The following EYA1 variants were observed in gnomAD, a reference collection of about 807,000 sequenced individuals.
The protein encoded by EYA1 is protein phosphatase EYA1.
In EYA1, 16 loss-of-function variants were observed where a neutral mutation model predicts 82.0. The observed-to-expected ratio is 0.20, with a 90% CI of 0.13 to 0.30. EYA1 has a LOEUF of 0.30. Ranked by LOEUF, EYA1 falls within the 10% of genes least tolerant of loss-of-function variation. EYA1 has a pLI of 1.00. For synonymous variants in EYA1, 261 were observed against 264.4 expected (o/e 0.99, Z 0.12); for missense variants, 633 against 730.7 (o/e 0.87, Z 1.54).
chr8:71,261,336 C>A (rs2128931870), intron 11 of EYA1, among the ~76,000 whole-genome samples: 1 of 152,168 alleles, frequency 6.6e-6, no homozygotes, highest in East Asian at 1.9e-4. Context: ...CACTGGGCTA[C>A]TTAGATATGA....
intron 4 of EYA1, among the ~76,000 whole-genome samples, chr8:71,326,619 G>C (rs551988762): frequency 6.6e-6 from 1 of 152,182 alleles, no homozygotes; most frequent in Non-Finnish European, 1.5e-5. Context: ...ACTAAGGCAG[G>C]CCTGTTCCTG....
intron 7 of EYA1, among the ~76,000 whole-genome samples, chr8:71,302,088 C>CT (rs1820261050): frequency 6.6e-6 from 1 of 151,794 alleles, no homozygotes; most frequent in Non-Finnish European, 1.5e-5. Context: ...GATATCAATG[C>CT]TTTTTTAAAA....
chr8:71,264,743 T>A (rs1345157048), intron 11 of EYA1, among the ~76,000 whole-genome samples: 1 of 151,988 alleles, frequency 6.6e-6, no homozygotes, highest in Non-Finnish European at 1.5e-5. Flanking sequence ...CACACCCAGC[T>A]AATTTTTGTA....
At chr8:71,455,896 G>T (rs1012825685) in intron 2 of EYA1, among the ~76,000 whole-genome samples, 2 of 152,152 alleles carry the variant, frequency 1.3e-5, no homozygotes, top group African/African-American at 4.8e-5. Flanking sequence ...AGTGTTGGAA[G>T]TTCTGCCCAG....
intron 2 of EYA1, among the ~76,000 whole-genome samples, chr8:71,527,896 T>G (rs994894219): frequency 6.6e-6 from 1 of 152,172 alleles, no homozygotes; most frequent in African/African-American, 2.4e-5. Context: ...TTAATTGTAT[T>G]ATTGCTATAC....
intron 2 of EYA1, among the ~76,000 whole-genome samples, chr8:71,515,321 T>C (rs1202997041): frequency 2.0e-5 from 3 of 152,098 alleles, no homozygotes; most frequent in African/African-American, 7.2e-5. Context: ...ATCTCAAAAT[T>C]ATGCTCTAGT....
At chr8:71,219,893 A>G (rs1036139537) in intron 12 of EYA1, among the ~76,000 whole-genome samples, 1 of 152,152 alleles carries the variant, frequency 6.6e-6, no homozygotes, top group Non-Finnish European at 1.5e-5. Context: ...TTGTCTTCCT[A>G]AGAGCCAAAT....
chr8:71,460,461 T>G (rs867915157), intron 2 of EYA1, among the ~76,000 whole-genome samples: 5 of 152,240 alleles, frequency 3.3e-5, no homozygotes, highest in Middle Eastern at 3.4e-3. Context: ...AAGGCAAGCT[T>G]CTTACAAGGG....
intron 2 of EYA1, among the ~76,000 whole-genome samples, chr8:71,396,523 T>G (rs1484255205): frequency 6.6e-6 from 1 of 152,230 alleles, no homozygotes; most frequent in African/African-American, 2.4e-5. Context: ...AAGAACATCT[T>G]TATTTCTGCC....
At chr8:71,430,143 G>A (rs1027004118) in intron 2 of EYA1, among the ~76,000 whole-genome samples, 1 of 152,040 alleles carries the variant, frequency 6.6e-6, no homozygotes, top group African/African-American at 2.4e-5. Context: ...TAATTCACAG[G>A]TTTCATCTTC....
At chr8:71,499,165 T>C (rs1240302284) in intron 2 of EYA1, among the ~76,000 whole-genome samples, 2 of 152,090 alleles carry the variant, frequency 1.3e-5, no homozygotes, top group African/African-American at 4.8e-5. Context: ...GTACACTTGG[T>C]CAAACTCAGC....
rs115981419 is a variant in EYA1, at chr8:71,395,804, A to T, written c.34-39293T>A. On this transcript the variant is annotated intron_variant, in intron 2 of 18. Transcript: ENST00000643681. ...TTGGTATCAGGATGATGTTGGCTTC[A>T]TAAAAAGAATTAGGGAGTATTCCCT... Among the ~76,000 whole-genome samples the T allele has an allele frequency of 5.6e-3, 858 of 152,334 alleles. 7 individuals are homozygous for T. The highest frequency in any genetic ancestry group is 0.019 in the African/African-American group (789 of 41,564).
At chr8:71,256,974 G>C (rs1814508728) in intron 11 of EYA1, among the ~76,000 whole-genome samples, 1 of 151,606 alleles carries the variant, frequency 6.6e-6, no homozygotes, top group South Asian at 2.1e-4. Context: ...ACTCCAGCCT[G>C]GGCAACAAGA....
chr8:71,233,503 G>A (rs1403095685), intron 12 of EYA1, among the ~76,000 whole-genome samples: 1 of 150,426 alleles, frequency 6.6e-6, no homozygotes, highest in Non-Finnish European at 1.5e-5. Flanking sequence ...GGCAGAGCTT[G>A]CAGTGAGCCG....
At chr8:71,317,508 T>A (rs1158489040) in intron 7 of EYA1, 44 bp downstream of exon 7, 1 of 1,604,150 alleles carries the variant, frequency 6.2e-7, no homozygotes, top group South Asian at 1.1e-5. Context: ...AAGTTAACTA[T>A]CAACCTACAG....
At chr8:71,473,314 G>A (rs1809375284) in intron 2 of EYA1, among the ~76,000 whole-genome samples, 1 of 147,468 alleles carries the variant, frequency 6.8e-6, no homozygotes, top group East Asian at 2.0e-4. Flanking sequence ...CTGACAAAGG[G>A]CTAATATCCA....
intron 4 of EYA1, chr8:71,323,998 G>A (rs1822875718): frequency 6.6e-6 from 1 of 152,132 alleles, no homozygotes; most frequent in Non-Finnish European, 1.5e-5. Flanking sequence ...TGGGACAATT[G>A]GAGTTCAAAA....
Position 71,500,829 on chromosome 8 carries a change from G to C in EYA1, c.33+34915C>G, listed in dbSNP as rs1395166270. 2.0e-5 allele frequency among the ~76,000 whole-genome samples: 3 copies of C among 152,066 alleles called. No homozygotes were observed. In the South Asian group the frequency reaches 6.2e-4, roughly 32 times the overall value. Reference sequence around the variant, plus strand: ...TGACTTTATTTCTACTGGTATAAAAGGTAAAAGACCTTTAAAAGCAACATA... The same window carrying C: ...TGACTTTATTTCTACTGGTATAAAACGTAAAAGACCTTTAAAAGCAACATA... On this transcript the variant is annotated intron_variant, in intron 2 of 18. Transcript: ENST00000643681.
At chr8:71,340,454 A>C (rs1824992729) in intron 3 of EYA1, among the ~76,000 whole-genome samples, 2 of 152,186 alleles carry the variant, frequency 1.3e-5, no homozygotes, top group Non-Finnish European at 2.9e-5. Context: ...ACCAACTGGC[A>C]TCCTAAGATG....
Sources: allele counts gnomAD v4.1 joint callset (sites outside exome capture counted in the v4.1 genomes callset), GRCh38; gene constraint gnomAD v4.1.1; transcripts MANE v1.5; gene names NCBI Gene and HGNC (gene_info 2026-07-23, HGNC 2026-07-21).